The following ADCY1 variants were observed in gnomAD, a reference collection of about 807,000 sequenced individuals.
ADCY1 encodes the protein adenylate cyclase 1, also known as adenylate cyclase type 1.
Under a neutral mutation model 105.4 loss-of-function variants are expected in ADCY1, and 28 were observed. That is an observed-to-expected ratio of 0.27 (90% confidence interval 0.20 to 0.36). The LOEUF is 0.36. Among genes scored for constraint, ADCY1 ranks in the 10% least tolerant of loss-of-function variants. The pLI, the probability that ADCY1 is intolerant of heterozygous loss-of-function variation, is 1.00. For missense variants in ADCY1, 977 were observed against 1,434.2 expected, an observed-to-expected ratio of 0.68 and a Z score of 5.15; for synonymous variants, 655 against 623.8, an observed-to-expected ratio of 1.05 and a Z score of -0.75.
At chr7:45,681,590 C>T (rs1368690326) in intron 11 of ADCY1, among the ~76,000 whole-genome samples, 1 of 152,144 alleles carries the variant, frequency 6.6e-6, no homozygotes, top group Non-Finnish European at 1.5e-5. Context: ...TCAGCTAGGA[C>T]AGGAGAGGGG....
intron 4 of ADCY1, among the ~76,000 whole-genome samples, chr7:45,642,250 T>G (rs573385952): frequency 2.6e-5 from 4 of 152,160 alleles, no homozygotes; most frequent in Admixed American, 2.6e-4. Flanking sequence ...AAGCAGCTTA[T>G]CAGGTTTAGG....
chr7:45,655,309 G>A (rs1794908179), intron 5 of ADCY1, among the ~76,000 whole-genome samples: 1 of 152,236 alleles, frequency 6.6e-6, no homozygotes, highest in Non-Finnish European at 1.5e-5. Flanking sequence ...CCAGCTCAGA[G>A]GACCAAGGTC....
chr7:45,657,916 G>GGGC, intron 6 of ADCY1, 31 bp downstream of exon 6: 1 of 502,916 alleles, frequency 2.0e-6, no homozygotes, highest in East Asian at 5.5e-5. Context: ...GGAGGGGAGG[G>GGGC]AGGTGGGTGA....
chr7:45,686,540 C>T lies in ADCY1; in HGVS notation c.2328-7C>T, dbSNP rs1784678344. The T allele has an allele frequency of 6.2e-7, 1 of 1,606,190 alleles. No homozygotes were observed. Among genetic ancestry groups the T allele is most frequent in the Non-Finnish European group, 8.5e-7 (1 of 1,175,356 alleles). ...TGACTTGGCTTTTCTTCCTCATCTTCCCCCAGGGGTGGTGCCGTCTCCGGG... is the reference window on the plus strand; with the variant it reads ...TGACTTGGCTTTTCTTCCTCATCTTTCCCCAGGGGTGGTGCCGTCTCCGGG... On this transcript the variant is annotated splice_polypyrimidine_tract_variant and splice_region_variant and intron_variant, in intron 13 of 19. Transcript: ENST00000297323. This position sits in a 1 kb window ranked among gnomAD's most constrained non-coding sequence, Gnocchi z 4.3.
intron 2 of ADCY1, among the ~76,000 whole-genome samples, chr7:45,594,497 A>G (rs935001157): frequency 2.6e-5 from 4 of 151,888 alleles, no homozygotes; most frequent in African/African-American, 9.7e-5. Context: ...GCTTGTGTGC[A>G]TTTCCTTTTC....
chr7:45,640,867 C>T (rs1281825998), intron 4 of ADCY1, among the ~76,000 whole-genome samples: 1 of 152,146 alleles, frequency 6.6e-6, no homozygotes, highest in Non-Finnish European at 1.5e-5. Flanking sequence ...TAGCTGGGAG[C>T]CTGGAATTTC....
At chr7:45,582,195 C>CA (rs1792571087) in intron 1 of ADCY1, among the ~76,000 whole-genome samples, 1 of 152,258 alleles carries the variant, frequency 6.6e-6, no homozygotes, top group South Asian at 2.1e-4. Flanking sequence ...CACCTACACT[C>CA]ACTTCACTGT....
Position 45,692,475 on chromosome 7 carries a change from A to G in ADCY1, c.2454+5802A>G, listed in dbSNP as rs538389502. Among the ~76,000 whole-genome samples the G allele has an allele frequency of 1.8e-4, 28 of 152,338 alleles. 1 individual carries two copies. Among genetic ancestry groups the G allele is most frequent in the Admixed American group, 7.8e-4 (12 of 15,300 alleles). On this transcript the variant is annotated intron_variant, in intron 14 of 19. Coordinates refer to ENST00000297323, the MANE Select transcript of ADCY1 (RefSeq NM_021116.4). ...ATGTAGACAGGACCCTGACCCAGGT[A>G]GGTTGGATGTGATATCATTTAAATG... is the stretch of plus-strand genomic sequence containing the variant.
At chr7:45,583,937 GTTTTTTTTTT>G (rs869216986) in intron 1 of ADCY1, among the ~76,000 whole-genome samples, 6 of 56,900 alleles carry the variant, frequency 1.1e-4, no homozygotes, top group East Asian at 1.4e-3. Context: ...ACTGTGCCCT[GTTTTTTTTTT>G]TTTTTTTTTT....
intron 14 of ADCY1, among the ~76,000 whole-genome samples, chr7:45,694,408 T>C (rs1054748423): frequency 3.3e-5 from 5 of 152,122 alleles, no homozygotes; most frequent in African/African-American, 1.2e-4. Context: ...AATTAGAAAG[T>C]AATATGAACC....
rs1253567901 is a variant in ADCY1 at position 45,657,894 on chromosome 7, G to A, written c.1307+9G>A. On this transcript the variant is annotated intron_variant, in intron 6 of 19. Transcript: ENST00000297323. Reference sequence around the variant, plus strand: ...GCCGCTGGCCTGCCAGGGTAAGTCGGGGATGGGGTGGGGAGGGGAGGGAGG... The same window carrying A: ...GCCGCTGGCCTGCCAGGGTAAGTCGAGGATGGGGTGGGGAGGGGAGGGAGG... 1.9e-6 allele frequency: 3 copies of A among 1,600,528 alleles called. No homozygotes were observed. The highest frequency in any genetic ancestry group is 1.1e-5 in the South Asian group (1 of 89,146).
At chr7:45,706,434 C>A (rs1785119234) in intron 17 of ADCY1, among the ~76,000 whole-genome samples, 1 of 141,632 alleles carries the variant, frequency 7.1e-6, no homozygotes, top group African/African-American at 2.6e-5. Context: ...AGTAGCAATA[C>A]CATGGAGAAA....
At chr7:45,648,297 A>G (rs763633505) in intron 4 of ADCY1, among the ~76,000 whole-genome samples, 4 of 152,186 alleles carry the variant, frequency 2.6e-5, no homozygotes, top group Non-Finnish European at 4.4e-5. Flanking sequence ...CATGGCGGTT[A>G]AGGGAGGTGC....
At position 45,684,969 on chromosome 7, in the gene ADCY1, T is replaced by A; in HGVS notation, c.1984-10T>A. 6.2e-7 allele frequency: 1 copy of A among 1,611,388 alleles called. No individual in the cohort carries two copies. Among genetic ancestry groups the A allele is most frequent in the Non-Finnish European group, 8.5e-7 (1 of 1,177,464 alleles). ...AGAGGGTATTTTCTAAATTAACATT[T>A]CTTATTCAGTGTTTTCCAGGGTGCC... On this transcript the variant is annotated splice_polypyrimidine_tract_variant and intron_variant, in intron 11 of 19. Coordinates refer to ENST00000297323, the MANE Select transcript of ADCY1 (RefSeq NM_021116.4).
rs954956828 is a variant in ADCY1, at chr7:45,700,307, T to C, written c.2455-3069T>C. Reference sequence around the variant, plus strand: ...ACTTCTTACTTGCTTGCTCTGATCTTTCTTCGTCCCGTCGGTGGCATGGGT... The same window carrying C: ...ACTTCTTACTTGCTTGCTCTGATCTCTCTTCGTCCCGTCGGTGGCATGGGT... On this transcript the variant is annotated intron_variant, in intron 14 of 19. Coordinates refer to ENST00000297323, the MANE Select transcript of ADCY1 (RefSeq NM_021116.4). Among the ~76,000 whole-genome samples, 3 of 152,194 alleles carry C rather than the reference T, an allele frequency of 2.0e-5. No individual in the cohort carries two copies. In the East Asian group the frequency reaches 5.8e-4, roughly 29 times the overall value.
At chr7:45,712,761 C>G (rs1197851826) in intron 19 of ADCY1, among the ~76,000 whole-genome samples, 1 of 152,184 alleles carries the variant, frequency 6.6e-6, no homozygotes, top group East Asian at 1.9e-4. Flanking sequence ...GATCACACCT[C>G]CAACATAACG....
intron 4 of ADCY1, among the ~76,000 whole-genome samples, chr7:45,630,579 G>A (rs2115968182): frequency 6.6e-6 from 1 of 152,288 alleles, no homozygotes; most frequent in Non-Finnish European, 1.5e-5. Context: ...TTGTGGGCCA[G>A]TCTCCCTCTG....
intron 1 of ADCY1, among the ~76,000 whole-genome samples, chr7:45,588,869 A>ATGTGTGTGTG (rs55962124): frequency 6.0e-5 from 9 of 149,052 alleles, no homozygotes; most frequent in Middle Eastern, 3.2e-3. Flanking sequence ...CATTGCGTGT[A>ATGTGTGTGTG]TGTGTGTGTG....
At chr7:45,680,400 C>CA (rs1784533079) in intron 11 of ADCY1, 2 of 159,182 alleles carry the variant, frequency 1.3e-5, no homozygotes, top group Admixed American at 1.2e-4. Flanking sequence ...ATCTGTGGCT[C>CA]ACTTGGAGGA....
Sources: gnomAD v4.1 joint callset for allele counts (sites outside exome capture counted in the v4.1 genomes callset) on GRCh38, gnomAD v4.1.1 for gene constraint, Gnocchi (gnomAD v3.1) non-coding constraint, MANE v1.5 for transcripts, NCBI Gene and HGNC (gene_info 2026-07-23, HGNC 2026-07-21) for gene names.